Variants in TBC1D5 observed in about 807,000 individuals in gnomAD.
TBC1D5 encodes the protein TBC1 domain family, member 5.
In TBC1D5, 75 loss-of-function variants were observed where a neutral mutation model predicts 100.3. That is an observed-to-expected ratio of 0.75 (90% CI 0.62 to 0.91). The LOEUF (loss-of-function observed/expected upper bound fraction) is 0.91, where lower values mean the gene tolerates loss of function less well. Among genes scored for constraint, TBC1D5 ranks in the 40% least tolerant of loss-of-function variants. The pLI is 0.00. For missense variants in TBC1D5, 910 were observed against 942.4 expected (o/e 0.97, Z 0.45); for synonymous variants, 323 against 325.6 (o/e 0.99, Z 0.09).
intron 14 of TBC1D5, among the ~76,000 whole-genome samples, chr3:17,298,695 T>C (rs2082509644): frequency 6.6e-6 from 1 of 152,134 alleles, no homozygotes. Flanking sequence ...TTAGTCAGCA[T>C]TAAAAATAAA....
At chr3:17,316,336 C>T (rs1360497613) in intron 13 of TBC1D5, among the ~76,000 whole-genome samples, 1 of 152,200 alleles carries the variant, frequency 6.6e-6, no homozygotes, top group Non-Finnish European at 1.5e-5. Flanking sequence ...AAGTATAAAA[C>T]AGTGAAACTG....
At chr3:17,188,623 T>C (rs2069463379) in intron 18 of TBC1D5, among the ~76,000 whole-genome samples, 1 of 152,182 alleles carries the variant, frequency 6.6e-6, no homozygotes. Context: ...TAAATAGAAA[T>C]GGAATCACTT....
chr3:17,620,604 T>C (rs2062581468), intron 2 of TBC1D5, among the ~76,000 whole-genome samples: 1 of 152,110 alleles, frequency 6.6e-6, no homozygotes, highest in Admixed American at 6.5e-5. Context: ...ACAACATAAA[T>C]ATCTCTGCGT....
At chr3:17,550,095 A>G (rs62248272) in intron 2 of TBC1D5, among the ~76,000 whole-genome samples, 2,700 of 152,200 alleles carry the variant, frequency 0.018, 33 homozygotes, top group Non-Finnish European at 0.029. Context: ...ACAATTTAAT[A>G]TGAAGGATGA....
At chr3:17,171,948 T>C (rs948708500) in intron 19 of TBC1D5, among the ~76,000 whole-genome samples, 1 of 152,124 alleles carries the variant, frequency 6.6e-6, no homozygotes, top group Non-Finnish European at 1.5e-5. Context: ...GCAGAGTGGG[T>C]GCACCCAAGA....
intron 2 of TBC1D5, among the ~76,000 whole-genome samples, chr3:17,525,418 AC>A (rs1458991737): frequency 6.6e-6 from 1 of 152,208 alleles, no homozygotes; most frequent in Non-Finnish European, 1.5e-5. Flanking sequence ...GGTGTGAGCC[AC>A]CACACCCGGC....
At chr3:17,178,232 A>AT (rs1312285600) in intron 19 of TBC1D5, among the ~76,000 whole-genome samples, 11 of 151,742 alleles carry the variant, frequency 7.2e-5, no homozygotes, top group African/African-American at 2.7e-4. Context: ...CGCCTGGCTA[A>AT]TTTTTTGTAT....
chr3:17,680,037 T>C (rs896877950), intron 1 of TBC1D5, among the ~76,000 whole-genome samples: 1 of 151,394 alleles, frequency 6.6e-6, no homozygotes, highest in Non-Finnish European at 1.5e-5. Context: ...AGTCTTACAT[T>C]AAGAAAAAGC....
Position 17,205,204 on chromosome 3 carries a change from T to G in TBC1D5, c.1752+9003A>C, listed in dbSNP as rs1197469687. Among the ~76,000 whole-genome samples, 3 of 152,232 alleles carry G rather than the reference T, an allele frequency of 2.0e-5. No homozygotes were observed. In the East Asian group the frequency reaches 5.8e-4, roughly 29 times the overall value. ...TTATTCCAGTTATCATTAACACTAC[T>G]GATTAAACAAGAAGAGATTACATAT... On this transcript the variant is annotated intron_variant, in intron 18 of 21. Coordinates refer to ENST00000253692, the Ensembl canonical transcript of TBC1D5.
chr3:17,723,888 T>G (rs1306741621), intron 1 of TBC1D5, among the ~76,000 whole-genome samples: 1 of 152,072 alleles, frequency 6.6e-6, no homozygotes, highest in South Asian at 2.1e-4. Context: ...TCCTACACTG[T>G]TCAAGGGTCA....
At chr3:17,565,484 A>G (rs1337888648) in intron 2 of TBC1D5, among the ~76,000 whole-genome samples, 1 of 152,098 alleles carries the variant, frequency 6.6e-6, no homozygotes, top group East Asian at 1.9e-4. Context: ...TGGCTATTGA[A>G]ATAAAAGTCT....
At chr3:17,652,585 T>G (rs930988916) in intron 1 of TBC1D5, among the ~76,000 whole-genome samples, 3 of 152,196 alleles carry the variant, frequency 2.0e-5, no homozygotes, top group African/African-American at 7.2e-5. Flanking sequence ...TATCTTGTTA[T>G]CATTATAGAT....
In TBC1D5 at chr3:17,399,352, G is replaced by A. The variant is rs532153782; in HGVS notation, c.509+3829C>T. On this transcript the variant is annotated intron_variant, in intron 8 of 21. Transcript: ENST00000253692. Reference sequence around the variant, plus strand: ...AAAACAATTAAACAAGTAAGTGACTGTGGGCAGGAGGTAAAAAGGATCTGA... The same window carrying A: ...AAAACAATTAAACAAGTAAGTGACTATGGGCAGGAGGTAAAAAGGATCTGA... Among the ~76,000 whole-genome samples, 9 of 152,182 alleles carry A rather than the reference G, an allele frequency of 5.9e-5. No homozygotes were observed. In the South Asian group the frequency reaches 8.3e-4, roughly 14 times the overall value.
chr3:17,300,797 C>A (rs1310476066), intron 14 of TBC1D5, among the ~76,000 whole-genome samples: 2 of 152,124 alleles, frequency 1.3e-5, no homozygotes. Context: ...CTAGGCCCGG[C>A]GTGGTGGCTC....
chr3:17,693,737 C>CA (rs1261009955), intron 1 of TBC1D5, among the ~76,000 whole-genome samples: 1 of 152,250 alleles, frequency 6.6e-6, no homozygotes, highest in Non-Finnish European at 1.5e-5. Flanking sequence ...GTGGTTCTCC[C>CA]AACACAGCGT....
At chr3:17,471,922 G>A (rs2150139756) in intron 3 of TBC1D5, among the ~76,000 whole-genome samples, 1 of 152,178 alleles carries the variant, frequency 6.6e-6, no homozygotes, top group Non-Finnish European at 1.5e-5. Context: ...GAGGCGGTCA[G>A]AACATGAGCA....
At chr3:17,705,432 A>G (rs1413182497) in intron 1 of TBC1D5, among the ~76,000 whole-genome samples, 2 of 137,944 alleles carry the variant, frequency 1.4e-5, no homozygotes, top group Admixed American at 7.0e-5. Context: ...CCGGGCGGAG[A>G]GGCTCCTCAC....
At chr3:17,386,196 C>T (rs922615583) in intron 8 of TBC1D5, among the ~76,000 whole-genome samples, 1 of 151,992 alleles carries the variant, frequency 6.6e-6, no homozygotes, top group Non-Finnish European at 1.5e-5. Flanking sequence ...ACTCTGTCTT[C>T]AAGTAGGCTT....
At chr3:17,628,445 C>T (rs2063238209) in intron 1 of TBC1D5, among the ~76,000 whole-genome samples, 1 of 151,210 alleles carries the variant, frequency 6.6e-6, no homozygotes, top group Admixed American at 6.6e-5. Context: ...TCACAGAAAT[C>T]AGGAAAAGTC....
Sources: gnomAD v4.1 joint callset for allele counts (sites outside exome capture counted in the v4.1 genomes callset) on GRCh38, gnomAD v4.1.1 for gene constraint, MANE v1.5 for transcripts, NCBI Gene and HGNC (gene_info 2026-07-23, HGNC 2026-07-21) for gene names.